Variants in ENTHD1 observed in about 807,000 individuals in gnomAD.
The protein encoded by ENTHD1 is ENTH domain containing 1.
Under a neutral mutation model 39.1 loss-of-function variants are expected in ENTHD1, and 23 were observed. The observed-to-expected ratio is 0.59, with a 90% confidence interval of 0.42 to 0.83. The LOEUF is 0.83. ENTHD1 is among the 40% of genes least tolerant of loss of function. The probability of loss-of-function intolerance (pLI) is 0.00; values close to 1 mark genes in which losing one functional copy is unlikely to be tolerated. For synonymous variants in ENTHD1, 230 were observed against 258.2 expected, an observed-to-expected ratio of 0.89 and a Z score of 1.05; for missense variants, 624 against 705.4, an observed-to-expected ratio of 0.88 and a Z score of 1.31.
At chr22:39,798,926 G>A (rs573019531) in intron 5 of ENTHD1, among the ~76,000 whole-genome samples, 3 of 152,318 alleles carry the variant, frequency 2.0e-5, no homozygotes, top group Admixed American at 6.5e-5. Context: ...GCTGGCTGTG[G>A]TGATAGTGGC....
intron 4 of ENTHD1, among the ~76,000 whole-genome samples, chr22:39,828,059 A>G (rs1471071069): frequency 6.6e-6 from 1 of 152,246 alleles, no homozygotes; most frequent in East Asian, 1.9e-4. Flanking sequence ...TACATTTATT[A>G]TACAGAAAGA....
At chr22:39,804,346 C>T (rs763219846) in intron 5 of ENTHD1, among the ~76,000 whole-genome samples, 2 of 150,146 alleles carry the variant, frequency 1.3e-5, no homozygotes, top group East Asian at 2.0e-4. Flanking sequence ...ATTAGCTAGG[C>T]GAGGTGGCAC....
At chr22:39,813,528 T>C (rs2065709544) in intron 5 of ENTHD1, among the ~76,000 whole-genome samples, 1 of 152,170 alleles carries the variant, frequency 6.6e-6, no homozygotes, top group Non-Finnish European at 1.5e-5. Flanking sequence ...TAACTATCCA[T>C]ATAAATGCTA....
chr22:39,803,760 T>C (rs1349269875), intron 5 of ENTHD1, among the ~76,000 whole-genome samples: 2 of 152,170 alleles, frequency 1.3e-5, no homozygotes, highest in Admixed American at 1.3e-4. Flanking sequence ...ACCTACTATA[T>C]TGCCAATCAA....
intron 2 of ENTHD1, among the ~76,000 whole-genome samples, chr22:39,881,518 T>C (rs1010122779): frequency 2.0e-5 from 3 of 152,216 alleles, no homozygotes; most frequent in African/African-American, 7.2e-5. Context: ...TTCCTACTAG[T>C]ATAACTATTA....
intron 6 of ENTHD1, among the ~76,000 whole-genome samples, chr22:39,746,847 C>T (rs1314955625): frequency 6.6e-6 from 1 of 152,108 alleles, no homozygotes; most frequent in Non-Finnish European, 1.5e-5. Context: ...ACCTAGCATC[C>T]CTCATTTCAG....
At chr22:39,798,061 A>G (rs2065565310) in intron 5 of ENTHD1, among the ~76,000 whole-genome samples, 1 of 152,180 alleles carries the variant, frequency 6.6e-6, no homozygotes, top group Non-Finnish European at 1.5e-5. Context: ...TGAACATCCC[A>G]GATGTGTATA....
intron 5 of ENTHD1, among the ~76,000 whole-genome samples, chr22:39,778,708 G>A (rs1174016170): frequency 6.6e-6 from 1 of 152,132 alleles, no homozygotes; most frequent in Non-Finnish European, 1.5e-5. Context: ...AGAGGCAGTT[G>A]TATGGTCCTT....
intron 4 of ENTHD1, among the ~76,000 whole-genome samples, chr22:39,823,899 A>G (rs1319470935): frequency 6.6e-6 from 1 of 152,204 alleles, no homozygotes; most frequent in Non-Finnish European, 1.5e-5. Context: ...CCTGAAGGCT[A>G]ATAACGTTGA....
intron 6 of ENTHD1, among the ~76,000 whole-genome samples, chr22:39,757,865 T>G (rs2065197214): frequency 6.6e-6 from 1 of 152,010 alleles, no homozygotes; most frequent in Non-Finnish European, 1.5e-5. Context: ...TCTCACGAGA[T>G]CTGATGGTTT....
At chr22:39,788,048 AAGG>A (rs1294363131) in intron 5 of ENTHD1, among the ~76,000 whole-genome samples, 1 of 152,182 alleles carries the variant, frequency 6.6e-6, no homozygotes, top group Non-Finnish European at 1.5e-5. Context: ...GGAGATGTAC[AAGG>A]AGATTAATGT....
intron 5 of ENTHD1, among the ~76,000 whole-genome samples, chr22:39,810,079 T>A (rs2065673536): frequency 6.6e-6 from 1 of 152,238 alleles, no homozygotes; most frequent in Non-Finnish European, 1.5e-5. Flanking sequence ...CTAGGCCAGT[T>A]CACAGAGCAA....
chr22:39,876,067 A>G, intron 2 of ENTHD1: 9 of 1,613,810 alleles, frequency 5.6e-6, no homozygotes, highest in Non-Finnish European at 7.6e-6. Context: ...TCAACCTTGA[A>G]GTCCCCACGT....
intron 5 of ENTHD1, among the ~76,000 whole-genome samples, chr22:39,793,173 C>G (rs891677430): frequency 1.3e-5 from 2 of 151,920 alleles, no homozygotes; most frequent in Non-Finnish European, 2.9e-5. Context: ...TTTGCATTTC[C>G]CTGATGACAA....
At chr22:39,848,507 C>G (rs927841780) in intron 3 of ENTHD1, among the ~76,000 whole-genome samples, 3 of 152,330 alleles carry the variant, frequency 2.0e-5, no homozygotes, top group African/African-American at 4.8e-5. Flanking sequence ...CTACCTTGGC[C>G]TCCCAAAGTG....
Position 39,765,283 on chromosome 22 carries a change from G to A in ENTHD1, c.1159C>T (p.Gln387Ter). The part of the protein sequence containing the change: ...VKEIVINKAY[Q>*]KPAQSSIQMD... ...TGAATGCTGGATTGTGCTGGTTTCT[G>A]GTAGGCCTTGTTGATTACAATCTCC... is the stretch of plus-strand genomic sequence containing the variant. Residue 387 changes from glutamine (Q) to a stop codon, truncating the protein, a stop_gained, in exon 6 of 7, where the codon CAG becomes TAG. Coordinates refer to ENST00000325157, the MANE Select transcript of ENTHD1 (RefSeq NM_152512.4). LOFTEE classifies it high-confidence loss of function. 6.2e-7 allele frequency: 1 copy of A among 1,613,406 alleles called. No individual in the cohort carries two copies. Among genetic ancestry groups the A allele is most frequent in the Non-Finnish European group, 8.5e-7 (1 of 1,179,898 alleles).
intron 2 of ENTHD1, among the ~76,000 whole-genome samples, chr22:39,870,556 A>C (rs1211827613): frequency 6.6e-6 from 1 of 152,230 alleles, no homozygotes; most frequent in East Asian, 1.9e-4. Flanking sequence ...ATAAATAAAA[A>C]TAAATCTATA....
At chr22:39,783,292 T>A (rs1347259294) in intron 5 of ENTHD1, among the ~76,000 whole-genome samples, 2 of 151,606 alleles carry the variant, frequency 1.3e-5, no homozygotes, top group Non-Finnish European at 2.9e-5. Flanking sequence ...CCTAAAAAAT[T>A]GGAAAGATTT....
rs370065036 is a variant in ENTHD1, at chr22:39,782,146, G to T, written c.833-16537C>A. 1.2e-3 allele frequency among the ~76,000 whole-genome samples: 182 copies of T among 152,204 alleles called. 1 individual carries two copies. The highest frequency in any genetic ancestry group is 3.9e-3 in the African/African-American group (163 of 41,528). On this transcript the variant is annotated intron_variant, in intron 5 of 6. Transcript: ENST00000325157. ...AACTAAAAATACAAAAATTATCTGG[G>T]CATGGTGGTGCATGCCTGTAACCCC...
Sources: allele counts gnomAD v4.1 joint callset (sites outside exome capture counted in the v4.1 genomes callset), GRCh38; gene constraint gnomAD v4.1.1; transcripts MANE v1.5; gene names NCBI Gene and HGNC (gene_info 2026-07-23, HGNC 2026-07-21).